TADA3: variants seen among roughly 807,000 people sequenced by gnomAD.
The protein encoded by TADA3 is transcriptional adapter 3.
TADA3 carries 25 observed loss-of-function variants against 43.2 expected under a neutral mutation model. The ratio of observed to expected loss-of-function variants is 0.58; its 90% CI spans 0.42 to 0.81. The LOEUF (loss-of-function observed/expected upper bound fraction) is 0.81. Ranked by LOEUF, TADA3 falls within the 30% of genes least tolerant of loss-of-function variation. TADA3 has a pLI of 0.00. For synonymous variants in TADA3, 235 were observed against 225.5 expected (o/e 1.04, Z -0.38); for missense variants, 441 against 567.8 (o/e 0.78, Z 2.27).
chr3:9,780,488 CGTT>C lies in TADA3; in HGVS notation c.1165_1167del (p.Asn389del). Reference sequence around the variant, plus strand: ...ATCTTGCGAAAGGCGTCCATGACCTCGTTGTCAGCCATGCGCACCCGCTGCCTC... The same window carrying C: ...ATCTTGCGAAAGGCGTCCATGACCTCGTCAGCCATGCGCACCCGCTGCCTC... On this transcript the variant is annotated inframe_deletion, in exon 9 of 9. Transcript: ENST00000301964. 6.2e-7 allele frequency: 1 copy of C among 1,610,254 alleles called. No homozygotes were observed. Among genetic ancestry groups the C allele is most frequent in the Non-Finnish European group, 8.5e-7 (1 of 1,179,980 alleles).
rs189303312 is a variant in TADA3 at position 9,787,115 on chromosome 3, C to T, written c.707-6G>A. 4.6e-5 allele frequency: 75 copies of T among 1,614,150 alleles called. No homozygotes were observed. The Middle Eastern group carries it at 4.9e-4, about 11-fold the overall frequency. The stretch of plus-strand genomic sequence containing the variant: ...CTTCAGCAGGGCATCCACATCTAAG[C>T]GGGCACAGGAAAGGAGGGGAGGTGG... On this transcript the variant is annotated splice_polypyrimidine_tract_variant and splice_region_variant and intron_variant, in intron 5 of 8. Coordinates refer to ENST00000301964, the MANE Select transcript of TADA3 (RefSeq NM_006354.5).
At chr3:9,792,761 G>A (rs1424795228), upstream of TADA3, 2 of 1,245,178 alleles carry the variant, frequency 1.6e-6, no homozygotes, top group Non-Finnish European at 2.0e-6. Context: ...CGAAGGGCTC[G>A]TCCGCTTCGG....
rs2078426345 is a variant in TADA3, at chr3:9,780,183, G to T, written c.*174C>A. ...AGGCTAGCCCAGCAGGGCTTCCTGT[G>T]TCCTGGTTGTACAGAGCTAGGCCAA... On this transcript the variant is annotated 3_prime_UTR_variant, in exon 9 of 9. Transcript: ENST00000301964. The T allele has an allele frequency of 1.7e-6, 1 of 604,920 alleles. No homozygotes were observed. The highest frequency in any genetic ancestry group is 2.8e-6 in the Non-Finnish European group (1 of 359,014). The allele number at this position is 604,920 out of a possible 1,614,324, so 37.5% of individuals were successfully genotyped here. A position where few individuals can be genotyped will look rare whatever the true frequency, so the allele number is the denominator to read the frequency against.
In TADA3 at chr3:9,788,998, G is replaced by C. The variant is rs969606121; in HGVS notation, c.564+511C>G. On this transcript the variant is annotated intron_variant, in intron 4 of 8. Transcript: ENST00000301964. ...CTACAGGCGCACACCGCCATGCCTG[G>C]CTAATTTTTTGTATTTTGGTAGAGA... 2.6e-5 allele frequency among the ~76,000 whole-genome samples: 4 copies of C among 152,058 alleles called. No individual in the cohort carries two copies. The South Asian group carries it at 6.2e-4, about 24-fold the overall frequency.
chr3:9,781,832 T>A (rs908601344), intron 8 of TADA3, among the ~76,000 whole-genome samples: 1 of 134,446 alleles, frequency 7.4e-6, no homozygotes, highest in Admixed American at 8.3e-5. Flanking sequence ...GCCCATTACT[T>A]CTTTTTTTTT....
At chr3:9,792,932 C>G (rs2078778557), upstream of TADA3, 1 of 1,396,930 alleles carries the variant, frequency 7.2e-7, no homozygotes, top group South Asian at 1.6e-5. Context: ...TTAAAAATAC[C>G]GAGACAGCCC....
chr3:9,784,630 C>T lies in TADA3; in HGVS notation c.921-417G>A, dbSNP rs548316405. ...CTGTAATCCCAGCACTTTGGAAGGC[C>T]GAGGTGGGAGGATCACCTGAGGTCA... On this transcript the variant is annotated intron_variant, in intron 7 of 8. Coordinates refer to ENST00000301964, the MANE Select transcript of TADA3 (RefSeq NM_006354.5). Among the ~76,000 whole-genome samples the T allele has an allele frequency of 3.3e-5, 5 of 151,926 alleles. 1 individual carries two copies. Among genetic ancestry groups the T allele is most frequent in the African/African-American group, 7.2e-5 (3 of 41,460 alleles).
Position 9,780,253 on chromosome 3 carries a change from T to C in TADA3, c.*104A>G. ...CACGGCCCTCTAGAGACTGCCGCCA[T>C]TTGAGGGACAGCCACAGGCCAATGT... is the stretch of plus-strand genomic sequence containing the variant. On this transcript the variant is annotated 3_prime_UTR_variant, in exon 9 of 9. Coordinates refer to ENST00000301964, the MANE Select transcript of TADA3 (RefSeq NM_006354.5). 7.8e-7 allele frequency: 1 copy of C among 1,279,768 alleles called. No individual in the cohort carries two copies. Among genetic ancestry groups the C allele is most frequent in the South Asian group, 1.4e-5 (1 of 69,232 alleles). 79.3% of individuals were successfully genotyped at this position (1,279,768 alleles called of 1,614,324 possible).
chr3:9,789,830 G>A lies in TADA3; in HGVS notation c.341C>T (p.Pro114Leu), dbSNP rs759523634. 1.2e-4 allele frequency: 194 copies of A among 1,614,112 alleles called. No individual in the cohort carries two copies. The highest frequency in any genetic ancestry group is 1.6e-4 in the Middle Eastern group (1 of 6,084). Reference sequence around the variant, plus strand: ...TTTGGGCCGTCCTGGGCCAGGGCCCGGCCCATGTCCTGCCTTCCCTTCCAG... The same window carrying A: ...TTTGGGCCGTCCTGGGCCAGGGCCCAGCCCATGTCCTGCCTTCCCTTCCAG... ...QKLEGKAGHG[P>L]GPGPGRPKSK... Residue 114 changes from proline to leucine, a missense_variant, in exon 3 of 9, where the codon CCG (proline) becomes CTG (leucine). By Grantham distance (98) the Pro-to-Leu change is moderately conservative. Coordinates refer to ENST00000301964, the MANE Select transcript of TADA3 (RefSeq NM_006354.5).
intron 7 of TADA3, among the ~76,000 whole-genome samples, chr3:9,784,518 T>A (rs1478309521): frequency 6.6e-6 from 1 of 152,150 alleles, no homozygotes; most frequent in Admixed American, 6.5e-5. Context: ...TTATTCCTAA[T>A]CTTTTGCTAC....
upstream of TADA3, chr3:9,792,843 G>T: frequency 7.3e-7 from 1 of 1,364,416 alleles, no homozygotes; most frequent in Non-Finnish European, 9.4e-7. Flanking sequence ...TGTGGCAAAG[G>T]TGACAAGAAG....
Position 9,789,476 on chromosome 3 carries a change from C to T in TADA3, c.564+33G>A, listed in dbSNP as rs377108668. On this transcript the variant is annotated intron_variant, in intron 4 of 8. Coordinates refer to ENST00000301964, the MANE Select transcript of TADA3 (RefSeq NM_006354.5). Reference sequence around the variant, plus strand: ...CAGGCACCTCTGAACTCTCTTGTTCCGCATCATGTCTATCAAGGCCCAGAG... The same window carrying T: ...CAGGCACCTCTGAACTCTCTTGTTCTGCATCATGTCTATCAAGGCCCAGAG... The T allele has an allele frequency of 5.8e-5, 92 of 1,588,172 alleles. No homozygotes were observed. In the African/African-American group the frequency reaches 7.3e-4, roughly 13 times the overall value.
intron 6 of TADA3, among the ~76,000 whole-genome samples, chr3:9,786,001 C>CA (rs2078599610): frequency 6.6e-6 from 1 of 151,724 alleles, no homozygotes; most frequent in Non-Finnish European, 1.5e-5. Context: ...TGCAGTGGCA[C>CA]AATTTCGGCT....
At chr3:9,790,349 GC>G (rs1418946788) in intron 2 of TADA3, among the ~76,000 whole-genome samples, 1 of 152,132 alleles carries the variant, frequency 6.6e-6, no homozygotes, top group Admixed American at 6.5e-5. Flanking sequence ...TTGAGTCATA[GC>G]CTTCCTCAAG....
intron 2 of TADA3, among the ~76,000 whole-genome samples, chr3:9,790,812 A>G (rs983945190): frequency 6.6e-6 from 1 of 152,208 alleles, no homozygotes; most frequent in Admixed American, 6.5e-5. Context: ...AACTTTCTCA[A>G]AGTCACATAG....
At chr3:9,785,522 C>T (rs1281519418) in intron 6 of TADA3, 97 bp from the exon 7 acceptor site, 20 of 804,652 alleles carry the variant, frequency 2.5e-5, no homozygotes, top group Non-Finnish European at 3.6e-5. Context: ...CCAGAAATAT[C>T]CTTTTATCTT....
In TADA3 at chr3:9,789,694, A is replaced by G. The variant is rs2078692905; in HGVS notation, c.458+19T>C. Reference sequence around the variant, plus strand: ...CACCAGAACCTTGAGGCCCCCTTCTATGTTCTCTAGCCCAGAACCTGTTGG... The same window carrying G: ...CACCAGAACCTTGAGGCCCCCTTCTGTGTTCTCTAGCCCAGAACCTGTTGG... On this transcript the variant is annotated intron_variant, in intron 3 of 8. Transcript: ENST00000301964. 9.3e-6 allele frequency: 15 copies of G among 1,609,912 alleles called. No homozygotes were observed. The highest frequency in any genetic ancestry group is 1.3e-5 in the Non-Finnish European group (15 of 1,177,106).
chr3:9,787,971 T>G (rs1182007769), intron 4 of TADA3: 2 of 338,462 alleles, frequency 5.9e-6, no homozygotes, highest in Non-Finnish European at 5.8e-6. Context: ...GAGGGCGAGA[T>G]ACTTGGTGGG....
rs113469503 is a variant in TADA3 at position 9,786,506 on chromosome 3, G to A, written c.810+500C>T. 5.3e-4 allele frequency among the ~76,000 whole-genome samples: 81 copies of A among 152,088 alleles called. 1 individual carries two copies. Among genetic ancestry groups the A allele is most frequent in the African/African-American group, 1.9e-3 (78 of 41,464 alleles). Reference sequence around the variant, plus strand: ...GTCAACCAGCAGGTATAAAGACAGGGCCCCTGAAGCTAGGGTTTGAATCCT... The same window carrying A: ...GTCAACCAGCAGGTATAAAGACAGGACCCCTGAAGCTAGGGTTTGAATCCT... On this transcript the variant is annotated intron_variant, in intron 6 of 8. Coordinates refer to ENST00000301964, the MANE Select transcript of TADA3 (RefSeq NM_006354.5).
Sources: allele counts gnomAD v4.1 joint callset (sites outside exome capture counted in the v4.1 genomes callset), GRCh38; gene constraint gnomAD v4.1.1; transcripts MANE v1.5; gene names NCBI Gene and HGNC (gene_info 2026-07-23, HGNC 2026-07-21).